DOCK8: variants seen among roughly 807,000 people sequenced by gnomAD.
DOCK8 encodes dedicator of cytokinesis 8.
Under a neutral mutation model 245.6 loss-of-function variants are expected in DOCK8, and 141 were observed. That is an observed-to-expected ratio of 0.57 (90% CI 0.50 to 0.66). The LOEUF (loss-of-function observed/expected upper bound fraction) is 0.66, where lower values mean the gene tolerates loss of function less well. Ranked by LOEUF, DOCK8 falls within the 30% of genes least tolerant of loss-of-function variation. DOCK8 has a pLI of 0.00. For missense variants in DOCK8, 2,965 were observed against 2,603.4 expected (o/e 1.14, Z -3.02); for synonymous variants, 1,168 against 970.2 (o/e 1.20, Z -3.79).
At chr9:389,891 G>T (rs1749876316) in intron 23 of DOCK8, among the ~76,000 whole-genome samples, 1 of 152,120 alleles carries the variant, frequency 6.6e-6, no homozygotes, top group African/African-American at 2.4e-5. Context: ...TGGGCTTGGT[G>T]GTGCACGCCT....
chr9:267,477 A>C (rs1298831068), intron 1 of DOCK8, among the ~76,000 whole-genome samples: 1 of 152,230 alleles, frequency 6.6e-6, no homozygotes, highest in African/African-American at 2.4e-5. Flanking sequence ...AAGTGCTGGG[A>C]TTACAGGCAT....
chr9:255,919 T>G (rs1290093340), intron 1 of DOCK8, among the ~76,000 whole-genome samples: 3 of 152,174 alleles, frequency 2.0e-5, no homozygotes, highest in Admixed American at 6.5e-5. Context: ...AAATACCTGC[T>G]TGATCCGTAA....
chr9:315,498 A>T (rs187179051), intron 6 of DOCK8, among the ~76,000 whole-genome samples: 6 of 152,360 alleles, frequency 3.9e-5, no homozygotes, highest in Admixed American at 3.9e-4. Context: ...TTTGAAACTG[A>T]CAAAAATTAT....
chr9:425,518 G>A (rs1453312871), intron 33 of DOCK8, among the ~76,000 whole-genome samples: 2 of 142,420 alleles, frequency 1.4e-5, no homozygotes, highest in Admixed American at 7.3e-5. Context: ...CAGCCTGGGC[G>A]ACAGAGGGAG....
intron 2 of DOCK8, among the ~76,000 whole-genome samples, chr9:279,838 G>C (rs545495477): frequency 2.6e-5 from 4 of 152,332 alleles, no homozygotes; most frequent in East Asian, 1.9e-4. Flanking sequence ...TCCCCACCAG[G>C]AGTGGCGTGA....
rs1281051005 is a variant in DOCK8 at position 404,537 on chromosome 9, T to C, written c.3235-381T>C. On this transcript the variant is annotated intron_variant, in intron 26 of 47. Transcript: ENST00000432829. ...CATATTCTATTAGTTTCATACAGGC[T>C]CATATGAGGTCAACTCCTTTCATTT... is the stretch of plus-strand genomic sequence containing the variant. Among the ~76,000 whole-genome samples, 5 of 152,220 alleles carry C rather than the reference T, an allele frequency of 3.3e-5. No individual in the cohort carries two copies. The South Asian group carries it at 1.0e-3, about 31-fold the overall frequency.
chr9:295,237 G>A (rs657391), intron 4 of DOCK8, among the ~76,000 whole-genome samples: 138,030 of 152,110 alleles, frequency 0.91, 62,696 homozygotes, highest in Admixed American at 0.93. Context: ...TGGAAAAGAT[G>A]AAGCTACAGG....
chr9:386,543 A>AAC (rs754820523), intron 23 of DOCK8, 117 bp downstream of exon 23: 51 of 820,932 alleles, frequency 6.2e-5, no homozygotes, highest in Non-Finnish European at 9.2e-5. Context: ...CTGATGTGCT[A>AAC]ACACACACAC....
chr9:408,894 ACGCGCG>A (rs370711528), intron 28 of DOCK8, among the ~76,000 whole-genome samples: 13 of 130,716 alleles, frequency 9.9e-5, no homozygotes, highest in East Asian at 2.8e-4. Flanking sequence ...ACACGCACAC[ACGCGCG>A]TGCACATGCA....
chr9:214,702 T>A (rs1426824783), upstream of DOCK8: 4 of 1,562,310 alleles, frequency 2.6e-6, no homozygotes, highest in Non-Finnish European at 3.5e-6. Flanking sequence ...TCTGCCCCAG[T>A]ATCGGGAGGC....
At chr9:344,101 C>T (rs1021519494) in intron 14 of DOCK8, among the ~76,000 whole-genome samples, 2 of 152,156 alleles carry the variant, frequency 1.3e-5, no homozygotes, top group African/African-American at 4.8e-5. Context: ...CTGTACTGGC[C>T]ACTGTAGAAG....
chr9:413,787 G>T (rs2055863294), intron 28 of DOCK8, among the ~76,000 whole-genome samples: 1 of 152,228 alleles, frequency 6.6e-6, no homozygotes, highest in Non-Finnish European at 1.5e-5. Context: ...TTCAGACACT[G>T]CTGGTGGGAA....
chr9:243,228 A>C (rs1587649052), intron 1 of DOCK8, among the ~76,000 whole-genome samples: 1 of 152,302 alleles, frequency 6.6e-6, no homozygotes, highest in East Asian at 1.9e-4. Context: ...GATTGCCGGG[A>C]GGTGACCTTT....
intron 5 of DOCK8, among the ~76,000 whole-genome samples, chr9:308,487 G>A (rs559476883): frequency 1.3e-5 from 2 of 152,200 alleles, no homozygotes; most frequent in Non-Finnish European, 2.9e-5. Flanking sequence ...TTCTTATTGA[G>A]TAGAATGGTG....
At chr9:399,290 C>T (rs755593877) in intron 26 of DOCK8, 31 bp downstream of exon 26, 46 of 1,351,856 alleles carry the variant, frequency 3.4e-5, no homozygotes, top group African/African-American at 2.0e-4. Context: ...CACCCCCGAG[C>T]GAGCCACTTG....
rs561187981 is a variant in DOCK8 at position 275,871 on chromosome 9, G to A, written c.156+4142G>A. Reference sequence around the variant, plus strand: ...CCCAAAGTGCTGGGATTACAGGCATGAGCCACTGGGCCCGGCCTAGTTTTA... The same window carrying A: ...CCCAAAGTGCTGGGATTACAGGCATAAGCCACTGGGCCCGGCCTAGTTTTA... On this transcript the variant is annotated intron_variant, in intron 2 of 47. Transcript: ENST00000432829. Among the ~76,000 whole-genome samples the A allele has an allele frequency of 2.1e-5, 3 of 142,910 alleles. No homozygotes were observed. The Admixed American group carries it at 2.1e-4, about 10-fold the overall frequency. The allele number at this position is 142,910 out of a possible 152,430, so 93.8% of individuals were successfully genotyped here. A position where few individuals can be genotyped will look rare whatever the true frequency, so the allele number is the denominator to read the frequency against.
intron 4 of DOCK8, among the ~76,000 whole-genome samples, chr9:301,350 TAAG>T (rs2049535960): frequency 6.6e-6 from 1 of 152,152 alleles, no homozygotes; most frequent in South Asian, 2.1e-4. Flanking sequence ...CTCAAAATAA[TAAG>T]AGCCATCTAT....
chr9:305,709 C>T (rs2049795640), intron 5 of DOCK8, among the ~76,000 whole-genome samples: 1 of 152,168 alleles, frequency 6.6e-6, no homozygotes, highest in Middle Eastern at 3.2e-3. Context: ...ATTTGAAGAA[C>T]TCCAGCAAAC....
At chr9:347,914 T>G (rs1194936704) in intron 14 of DOCK8, among the ~76,000 whole-genome samples, 1 of 152,224 alleles carries the variant, frequency 6.6e-6, no homozygotes, top group Non-Finnish European at 1.5e-5. Context: ...ACTTTCTAGA[T>G]TCAGACACAC....
Sources: allele counts gnomAD v4.1 joint callset (sites outside exome capture counted in the v4.1 genomes callset), GRCh38; gene constraint gnomAD v4.1.1; transcripts MANE v1.5; gene names NCBI Gene and HGNC (gene_info 2026-07-23, HGNC 2026-07-21).